Variants in DYRK3 observed in about 807,000 individuals in gnomAD.
The protein encoded by DYRK3 is dual specificity tyrosine phosphorylation regulated kinase 3, also known as dual specificity tyrosine-phosphorylation-regulated kinase 3.
A neutral mutation model predicts 40.8 loss-of-function variants in DYRK3; 30 were observed. The observed-to-expected ratio is 0.74, with a 90% CI of 0.55 to 1.00. The LOEUF (loss-of-function observed/expected upper bound fraction) is 1.00. DYRK3 is among the 50% of genes least tolerant of loss of function. The pLI is 0.00. For synonymous variants in DYRK3, 272 were observed against 260.7 expected (o/e 1.04, Z -0.42); for missense variants, 699 against 731.5 (o/e 0.96, Z 0.51).
intron 2 of DYRK3, among the ~76,000 whole-genome samples, chr1:206,642,686 C>A (rs1413942238): frequency 6.6e-6 from 1 of 152,078 alleles, no homozygotes; most frequent in African/African-American, 2.4e-5. Flanking sequence ...GACAGAAAAC[C>A]AAACACCACA....
intron 2 of DYRK3, among the ~76,000 whole-genome samples, chr1:206,639,473 T>A (rs1344552934): frequency 1.3e-5 from 2 of 149,380 alleles, no homozygotes; most frequent in African/African-American, 5.0e-5. Context: ...TGATTTTTTT[T>A]TTTTTTTTTT....
chr1:206,638,280 T>TTC (rs1671175707), intron 2 of DYRK3, among the ~76,000 whole-genome samples: 1 of 64,296 alleles, frequency 1.6e-5, no homozygotes, highest in African/African-American at 4.2e-5. Context: ...CTTTTTTTTT[T>TTC]TTTTTTTTTT....
At chr1:206,646,881 CT>C (rs1553420197) in intron 2 of DYRK3, among the ~76,000 whole-genome samples, 3 of 152,114 alleles carry the variant, frequency 2.0e-5, no homozygotes, top group Non-Finnish European at 1.5e-5. Context: ...TGGGAAGATA[CT>C]TGAAACAATT....
chr1:206,642,656 A>G (rs1426812898), intron 2 of DYRK3, among the ~76,000 whole-genome samples: 3 of 152,188 alleles, frequency 2.0e-5, no homozygotes, highest in Non-Finnish European at 4.4e-5. Context: ...AGAAACCGTC[A>G]TTCTGAGCAA....
In DYRK3 at chr1:206,637,652, T is replaced by G; in HGVS notation, c.80T>G (p.Leu27Trp). The change falls in exon 2 of 3, where the codon TTG becomes TGG. Residue 27 changes from leucine (L) to tryptophan (W), a missense_variant and splice_region_variant. Leu to Trp is a moderately conservative substitution (Grantham distance 61, BLOSUM62 -2). Transcript: ENST00000367109. ...GAGLPPQQRR[L>W]GDGVYDTFMM... ...TTGTCTGTAATCCTTTTAACTAGGT[T>G]GGGGGATGGTGTCTATGACACCTTC... 3.1e-6 allele frequency: 5 copies of G among 1,610,466 alleles called. No homozygotes were observed. Among genetic ancestry groups the G allele is most frequent in the Non-Finnish European group, 4.2e-6 (5 of 1,176,960 alleles).
rs1553421211 is a variant in DYRK3, at chr1:206,650,820, T to C, written c.*1855T>C. Among the ~76,000 whole-genome samples the C allele has an allele frequency of 6.6e-6, 1 of 152,244 alleles. No individual in the cohort carries two copies. Among genetic ancestry groups the C allele is most frequent in the Non-Finnish European group, 1.5e-5 (1 of 68,042 alleles). On this transcript the variant is annotated 3_prime_UTR_variant, in exon 3 of 3. Coordinates refer to ENST00000367109, the MANE Select transcript of DYRK3 (RefSeq NM_003582.4). ...AGAGTGCAAATCTCTCTCATTTAAA[T>C]GTCCACAGTGGCTTTAGTCTCCCAA... is the stretch of plus-strand genomic sequence containing the variant.
rs1671621774 is a variant in DYRK3, at chr1:206,651,150, G to C, written c.*2185G>C. Among the ~76,000 whole-genome samples the C allele has an allele frequency of 6.6e-6, 1 of 152,148 alleles. No homozygotes were observed. The highest frequency in any genetic ancestry group is 2.4e-5 in the African/African-American group (1 of 41,430). ...TGATAGTGGCATCTTGATCTCTTCA[G>C]ATGTCACACTAAATGCTGCTCATAA... On this transcript the variant is annotated 3_prime_UTR_variant, in exon 3 of 3. Transcript: ENST00000367109.
chr1:206,644,031 C>CTTTTTTTTTTTTTTTTTTT lies in DYRK3; in HGVS notation c.190-3354_190-3336dup, dbSNP rs556718022. On this transcript the variant is annotated intron_variant, in intron 2 of 2. Coordinates refer to ENST00000367109, the MANE Select transcript of DYRK3 (RefSeq NM_003582.4). ...TCAGGAAGGCAACAGGGACCTACAG[C>CTTTTTTTTTTTTTTTTTTT]TTTTTTTTTTTTTTTTTTTTTGAGA... Among the ~76,000 whole-genome samples, 24 of 101,056 alleles carry CTTTTTTTTTTTTTTTTTTT rather than the reference C, an allele frequency of 2.4e-4. 3 individuals carry two copies. Among genetic ancestry groups the CTTTTTTTTTTTTTTTTTTT allele is most frequent in the African/African-American group, 4.5e-4 (12 of 26,454 alleles). The allele number at this position is 101,056 out of a possible 152,430, so 66.3% of individuals were successfully genotyped here. A position where few individuals can be genotyped will look rare whatever the true frequency, so the allele number is the denominator to read the frequency against.
chr1:206,639,378 TA>T (rs1553418928), intron 2 of DYRK3, among the ~76,000 whole-genome samples: 4 of 152,180 alleles, frequency 2.6e-5, no homozygotes, highest in Non-Finnish European at 1.5e-5. Context: ...ATTGCTTGGT[TA>T]CTTGCTGCCA....
rs367696416 is a variant in DYRK3 at position 206,648,121 on chromosome 1, G to A, written c.923G>A (p.Ser308Asn). The part of the protein sequence containing the change: ...LIKKNKFQGF[S>N]VQLVRKFAQS... ...AAAAAAAATAAGTTTCAGGGTTTTA[G>A]CGTCCAGTTGGTACGCAAGTTTGCC... The change falls in exon 3 of 3, where the codon AGC becomes AAC. Residue 308 changes from serine (S) to asparagine (N), a missense_variant. Transcript: ENST00000367109. The A allele has an allele frequency of 3.2e-5, 52 of 1,614,006 alleles. 1 individual carries two copies. Among genetic ancestry groups the A allele is most frequent in the Non-Finnish European group, 3.7e-5 (44 of 1,180,022 alleles).
chr1:206,645,889 C>T (rs1234632202), intron 2 of DYRK3, among the ~76,000 whole-genome samples: 3 of 151,822 alleles, frequency 2.0e-5, no homozygotes, highest in Non-Finnish European at 2.9e-5. Flanking sequence ...CTCACTCTGT[C>T]GCTCAGGCTG....
intron 2 of DYRK3, among the ~76,000 whole-genome samples, chr1:206,640,410 A>G (rs1304114553): frequency 6.6e-6 from 1 of 152,094 alleles, no homozygotes; most frequent in African/African-American, 2.4e-5. Flanking sequence ...GGTAAACTAT[A>G]AATCATCTGC....
chr1:206,635,955 C>G, intron 1 of DYRK3, 175 bp downstream of exon 1: 1 of 1,330,724 alleles, frequency 7.5e-7, no homozygotes. Flanking sequence ...GGCCCCCTCC[C>G]CCCATCCCTG....
At chr1:206,643,297 A>G (rs576233793) in intron 2 of DYRK3, among the ~76,000 whole-genome samples, 22 of 152,320 alleles carry the variant, frequency 1.4e-4, no homozygotes, top group African/African-American at 4.3e-4. Context: ...ATTTAGGCTT[A>G]CTTTAAGGAA....
Position 206,648,933 on chromosome 1 carries a change from C to T in DYRK3, c.1735C>T (p.Leu579=). The T allele has an allele frequency of 6.2e-7, 1 of 1,613,716 alleles. No individual in the cohort carries two copies. Among genetic ancestry groups the T allele is most frequent in the Non-Finnish European group, 8.5e-7 (1 of 1,179,876 alleles). The change falls in exon 3 of 3, where the codon CTA becomes TTA. Residue 579 remains leucine, a synonymous_variant. Coordinates refer to ENST00000367109, the MANE Select transcript of DYRK3 (RefSeq NM_003582.4). The stretch of plus-strand genomic sequence containing the variant: ...GTCAGAAACCAATGGTAGTATACCC[C>T]TATGCAGTGTATTGCCAAAACTGAT... ...LMSETNGSIP[L]CSVLPKLIS is the part of the protein sequence containing the mutation.
At position 206,651,589 on chromosome 1, in the gene DYRK3, C is replaced by T. The variant is rs1671634015; in HGVS notation, c.*2624C>T. 6.6e-6 allele frequency among the ~76,000 whole-genome samples: 1 copy of T among 152,200 alleles called. No individual in the cohort carries two copies. Among genetic ancestry groups the T allele is most frequent in the Non-Finnish European group, 1.5e-5 (1 of 68,040 alleles). On this transcript the variant is annotated 3_prime_UTR_variant, in exon 3 of 3. Transcript: ENST00000367109. ...TTCAGTAGATATGAGCTTACATTGA[C>T]TTATGAATGGTTTTCCTGTAGGCCC... is the stretch of plus-strand genomic sequence containing the variant.
rs1671612122 is a variant in DYRK3, at chr1:206,650,792, G to A, written c.*1827G>A. Among the ~76,000 whole-genome samples, 3 of 152,182 alleles carry A rather than the reference G, an allele frequency of 2.0e-5. No homozygotes were observed. The South Asian group carries it at 6.2e-4, about 32-fold the overall frequency. On this transcript the variant is annotated 3_prime_UTR_variant, in exon 3 of 3. Coordinates refer to ENST00000367109, the MANE Select transcript of DYRK3 (RefSeq NM_003582.4). ...TGCTGTAGCATAGGCTGTGAAAAAT[G>A]AGAGAGTGCAAATCTCTCTCATTTA...
chr1:206,639,175 G>A (rs1478270101), intron 2 of DYRK3, among the ~76,000 whole-genome samples: 7 of 151,870 alleles, frequency 4.6e-5, no homozygotes, highest in African/African-American at 1.7e-4. Context: ...CACCGCACCC[G>A]GCCCTTTCCC....
chr1:206,652,324 CTG>C lies in DYRK3; in HGVS notation c.*3363_*3364del, dbSNP rs1431604091. Among the ~76,000 whole-genome samples the C allele has an allele frequency of 6.6e-6, 1 of 152,166 alleles. No individual in the cohort carries two copies. Among genetic ancestry groups the C allele is most frequent in the African/African-American group, 2.4e-5 (1 of 41,412 alleles). ...CTACCCCATATGCATCTGATGTACA[CTG>C]TGTTTTGGTGTTTGTGTTTTTAGTG... On this transcript the variant is annotated 3_prime_UTR_variant, in exon 3 of 3. Coordinates refer to ENST00000367109, the MANE Select transcript of DYRK3 (RefSeq NM_003582.4).
Sources: allele counts gnomAD v4.1 joint callset (sites outside exome capture counted in the v4.1 genomes callset), GRCh38; gene constraint gnomAD v4.1.1; transcripts MANE v1.5; gene names NCBI Gene and HGNC (gene_info 2026-07-23, HGNC 2026-07-21).